FRMPD1: variants seen among roughly 807,000 people sequenced by gnomAD.
The protein encoded by FRMPD1 is FERM and PDZ domain-containing protein 1.
FRMPD1 carries 76 observed loss-of-function variants against 117.8 expected under a neutral mutation model. The observed-to-expected ratio is 0.65, with a 90% confidence interval of 0.54 to 0.78. FRMPD1 has a LOEUF of 0.78. Ranked by LOEUF, FRMPD1 falls within the 30% of genes least tolerant of loss-of-function variation. The pLI, the probability that FRMPD1 is intolerant of heterozygous loss-of-function variation, is 0.00. For missense variants in FRMPD1, 1,786 were observed against 1,964.5 expected (o/e 0.91, Z 1.72); for synonymous variants, 783 against 770.4 (o/e 1.02, Z -0.27).
chr9:37,643,316 G>T, the FRMPD1 span, among the ~76,000 whole-genome samples: 1 of 151,200 alleles, frequency 6.6e-6, no homozygotes, highest in African/African-American at 2.4e-5. Flanking sequence ...TCCTCCATTT[G>T]GTACTATTAT....
rs973392920 is a variant in FRMPD1, at chr9:37,745,488, T to C, written c.3456T>C (p.Ser1152=). Residue 1152 remains serine, a synonymous_variant, in exon 16 of 16, where the codon TCT becomes TCC. Coordinates refer to ENST00000377765, the MANE Select transcript of FRMPD1 (RefSeq NM_014907.3). ...TTTCACAGACTCTTGATATTAGCTC[T>C]CCAGCTGGTAAAATAGTAACCTCCC... The part of the protein sequence containing the change: ...NNVSQTLDIS[S]PAGKIVTSLS... 3.1e-6 allele frequency: 5 copies of C among 1,614,004 alleles called. No homozygotes were observed. In the African/African-American group the frequency reaches 5.3e-5, roughly 17 times the overall value.
the FRMPD1 span, among the ~76,000 whole-genome samples, chr9:37,625,514 C>T: frequency 2.0e-5 from 3 of 152,274 alleles, no homozygotes; most frequent in Non-Finnish European, 4.4e-5. Flanking sequence ...TGGTCCCAGA[C>T]ATCAGCACAA....
chr9:37,659,314 C>T (rs1357782738), intron 1 of FRMPD1, among the ~76,000 whole-genome samples: 1 of 152,236 alleles, frequency 6.6e-6, no homozygotes, highest in East Asian at 1.9e-4. Flanking sequence ...TGTCTTCTGT[C>T]TCCTCCTTCC....
chr9:37,731,416 G>A (rs150479210), intron 9 of FRMPD1, among the ~76,000 whole-genome samples: 12 of 152,240 alleles, frequency 7.9e-5, no homozygotes, highest in Admixed American at 2.6e-4. Flanking sequence ...TTAAAACCTC[G>A]TTTTAGAATG....
At chr9:37,657,422 ATAAT>A (rs1820875691) in intron 1 of FRMPD1, among the ~76,000 whole-genome samples, 1 of 152,262 alleles carries the variant, frequency 6.6e-6, no homozygotes, top group Non-Finnish European at 1.5e-5. Flanking sequence ...TCTTATAAAA[ATAAT>A]TTATTTAGTA....
In FRMPD1 at chr9:37,740,983, G is replaced by A. The variant is rs751873698; in HGVS notation, c.2356+99G>A. The A allele has an allele frequency of 1.1e-6, 1 of 872,590 alleles. No homozygotes were observed. The highest frequency in any genetic ancestry group is 1.9e-6 in the Non-Finnish European group (1 of 525,966). The allele number at this position is 872,590 out of a possible 1,614,324, so 54.1% of individuals were successfully genotyped here. Reference sequence around the variant, plus strand: ...CCAAGCTTGAGAGGAAGGCACATGAGTGAAACAGGGTCCCTGTACACTTCT... The same window carrying A: ...CCAAGCTTGAGAGGAAGGCACATGAATGAAACAGGGTCCCTGTACACTTCT... On this transcript the variant is annotated intron_variant, in intron 15 of 15. Coordinates refer to ENST00000377765, the MANE Select transcript of FRMPD1 (RefSeq NM_014907.3). This position sits in a 1 kb window ranked among gnomAD's most constrained non-coding sequence, Gnocchi z 4.2.
chr9:37,678,197 C>T (rs938391393), intron 1 of FRMPD1, among the ~76,000 whole-genome samples: 3 of 150,554 alleles, frequency 2.0e-5, no homozygotes, highest in African/African-American at 7.3e-5. Flanking sequence ...CCATGACCTC[C>T]AGCTTCAAGG....
intron 2 of FRMPD1, among the ~76,000 whole-genome samples, chr9:37,698,951 C>T (rs1822432569): frequency 6.6e-6 from 1 of 152,010 alleles, no homozygotes; most frequent in South Asian, 2.1e-4. Flanking sequence ...GTTGGTCAGG[C>T]TGGTCTCGAA....
chr9:37,746,182 C>A lies in FRMPD1; in HGVS notation c.4150C>A (p.Arg1384=), dbSNP rs201797937. 6.2e-7 allele frequency: 1 copy of A among 1,613,404 alleles called. No homozygotes were observed. Among genetic ancestry groups the A allele is most frequent in the Non-Finnish European group, 8.5e-7 (1 of 1,179,900 alleles). The change falls in exon 16 of 16, where the codon CGA becomes AGA. Residue 1384 remains arginine, a synonymous_variant. Transcript: ENST00000377765. ...GGTGGTTCTGCCCTGGAGGCCTGCC[C>A]GAGCCCACAGCTGCACCACCGCACC... is the stretch of plus-strand genomic sequence containing the variant. ...SPVVLPWRPA[R]AHSCTTAPLS... is the part of the protein sequence containing the mutation.
At chr9:37,714,225 G>A (rs969255072) in intron 5 of FRMPD1, among the ~76,000 whole-genome samples, 3 of 152,192 alleles carry the variant, frequency 2.0e-5, no homozygotes, top group African/African-American at 7.2e-5. Context: ...GGTCCTTTTT[G>A]TTTAGCTGGT....
At chr9:37,645,113 A>AG in the FRMPD1 span, among the ~76,000 whole-genome samples, 50 of 147,912 alleles carry the variant, frequency 3.4e-4, no homozygotes, top group African/African-American at 9.8e-4. Context: ...AAAAAAAAAA[A>AG]AGAGAGAGAG....
intron 12 of FRMPD1, among the ~76,000 whole-genome samples, chr9:37,734,412 C>A (rs1030294448): frequency 6.6e-6 from 1 of 151,850 alleles, no homozygotes; most frequent in African/African-American, 2.4e-5. Flanking sequence ...AGAAGAGAAA[C>A]GAGAAGCAGA....
Position 37,737,082 on chromosome 9 carries a change from AT to A in FRMPD1, c.1402-11del, listed in dbSNP as rs750977453. The A allele has an allele frequency of 1.2e-6, 2 of 1,606,192 alleles. No homozygotes were observed. Among genetic ancestry groups the A allele is most frequent in the Non-Finnish European group, 1.7e-6 (2 of 1,173,350 alleles). ...GGTCCTTGATAAACATGAGATTTCTATTTGCTTTCAAAGGTTCTGACTTTGC... is the reference window on the plus strand; with the variant it reads ...GGTCCTTGATAAACATGAGATTTCTATTGCTTTCAAAGGTTCTGACTTTGC... On this transcript the variant is annotated splice_polypyrimidine_tract_variant and intron_variant, in intron 13 of 15. Coordinates refer to ENST00000377765, the MANE Select transcript of FRMPD1 (RefSeq NM_014907.3).
chr9:37,664,160 A>T (rs1821083983), intron 1 of FRMPD1, among the ~76,000 whole-genome samples: 1 of 151,652 alleles, frequency 6.6e-6, no homozygotes, highest in Non-Finnish European at 1.5e-5. Flanking sequence ...TTCCTGAGAG[A>T]GGAGTGGAGG....
chr9:37,699,905 A>G (rs12552040), intron 2 of FRMPD1, among the ~76,000 whole-genome samples: 51,247 of 151,636 alleles, frequency 0.34, 9,419 homozygotes, highest in Non-Finnish European at 0.43. Flanking sequence ...GCATGCACGC[A>G]CACACACACA....
Position 37,744,521 on chromosome 9 carries a change from A to C in FRMPD1, c.2489A>C (p.Lys830Thr). 1 of 1,614,142 alleles carries C rather than the reference A, an allele frequency of 6.2e-7. No homozygotes were observed. The highest frequency in any genetic ancestry group is 8.5e-7 in the Non-Finnish European group (1 of 1,180,018). ...CCAAGCAGGAGGGGAGGGGTGAAGA[A>C]ATATGCCAAGACCCTGAGGAAAAGA... ...RQPSRRGGVKKYAKTLRKRRS... is the reference protein window; with the variant it reads ...RQPSRRGGVKTYAKTLRKRRS... Residue 830 changes from lysine to threonine, a missense_variant, in exon 16 of 16, where the codon AAA (lysine) becomes ACA (threonine). Physicochemically the swap from Lys to Thr is moderately conservative, Grantham distance 78. Coordinates refer to ENST00000377765, the MANE Select transcript of FRMPD1 (RefSeq NM_014907.3).
rs114075999 is a variant in FRMPD1, at chr9:37,678,601, C to G, written c.-4-14037C>G. Among the ~76,000 whole-genome samples, 169 of 152,146 alleles carry G rather than the reference C, an allele frequency of 1.1e-3. 1 individual carries two copies. In the Middle Eastern group the frequency reaches 0.054, roughly 49 times the overall value. On this transcript the variant is annotated intron_variant, in intron 1 of 15. Coordinates refer to ENST00000377765, the MANE Select transcript of FRMPD1 (RefSeq NM_014907.3). ...AACAGTCTTAATTTCCTTTTTTGTT[C>G]ATTGTTTCTTGTCTAGTGAGAACCT...
chr9:37,695,451 G>A (rs1424603907), intron 2 of FRMPD1, among the ~76,000 whole-genome samples: 2 of 152,116 alleles, frequency 1.3e-5, no homozygotes, highest in Admixed American at 1.3e-4. Context: ...TGCTTTCCAA[G>A]TGCTTGAGAA....
intron 5 of FRMPD1, among the ~76,000 whole-genome samples, chr9:37,714,388 A>C (rs1461951071): frequency 1.3e-5 from 2 of 152,098 alleles, no homozygotes; most frequent in Non-Finnish European, 2.9e-5. Flanking sequence ...TGGGAAGGTA[A>C]AAATTGGTAT....
Sources: allele counts gnomAD v4.1 joint callset (sites outside exome capture counted in the v4.1 genomes callset), GRCh38; gene constraint gnomAD v4.1.1; non-coding constraint Gnocchi (gnomAD v3.1); transcripts MANE v1.5; gene names NCBI Gene and HGNC (gene_info 2026-07-23, HGNC 2026-07-21).